Variants in ASAP2 observed in about 807,000 individuals in gnomAD.
ASAP2 encodes arf-GAP with SH3 domain, ANK repeat and PH domain-containing protein 2.
ASAP2 carries 45 observed loss-of-function variants against 131.4 expected under a neutral mutation model. The observed-to-expected ratio is 0.34, with a 90% confidence interval of 0.27 to 0.44. The LOEUF is 0.44. ASAP2 is among the 20% of genes least tolerant of loss of function. The pLI is 1.00. For missense variants in ASAP2, 1,011 were observed against 1,297.0 expected (o/e 0.78, Z 3.39); for synonymous variants, 510 against 503.0 (o/e 1.01, Z -0.19).
intron 16 of ASAP2, among the ~76,000 whole-genome samples, chr2:9,370,005 AT>A (rs777595461): frequency 8.5e-5 from 13 of 152,128 alleles, no homozygotes. Context: ...CACCCAGCTA[AT>A]TTTTTGTATC....
chr2:9,254,530 T>A (rs1262118835), intron 1 of ASAP2, among the ~76,000 whole-genome samples: 7 of 81,958 alleles, frequency 8.5e-5, no homozygotes, highest in African/African-American at 1.4e-4. Context: ...TTTTTGGATT[T>A]TTTTTTTTTT....
At chr2:9,396,401 A>G (rs1291810549) in intron 24 of ASAP2, among the ~76,000 whole-genome samples, 1 of 151,882 alleles carries the variant, frequency 6.6e-6, no homozygotes, top group Non-Finnish European at 1.5e-5. Flanking sequence ...CAGCCTCCGC[A>G]TAGCTGGGAC....
chr2:9,301,819 TC>T lies in ASAP2; in HGVS notation c.345+4375del, dbSNP rs370419649. Among the ~76,000 whole-genome samples, 933 of 132,630 alleles carry T rather than the reference TC, an allele frequency of 7.0e-3. 14 individuals are homozygous for T. The highest frequency in any genetic ancestry group is 0.026 in the African/African-American group (900 of 34,952). 87.0% of individuals were successfully genotyped at this position (132,630 alleles called of 152,430 possible). On this transcript the variant is annotated intron_variant, in intron 3 of 27. Coordinates refer to ENST00000281419, the MANE Select transcript of ASAP2 (RefSeq NM_003887.3). ...TACCAAGCAACGTGTGTATCCATCA[TC>T]TTTTTTTTTTTTTTTTTTTTTGAGA...
At chr2:9,346,662 T>C (rs972247496) in intron 11 of ASAP2, among the ~76,000 whole-genome samples, 5 of 152,214 alleles carry the variant, frequency 3.3e-5, no homozygotes, top group East Asian at 1.9e-4. Context: ...TCCGATTGAC[T>C]GCCTCAGTGC....
intron 1 of ASAP2, among the ~76,000 whole-genome samples, chr2:9,216,453 ATTTTTTTTTTTT>A (rs999787414): frequency 4.7e-5 from 4 of 85,420 alleles, no homozygotes; most frequent in African/African-American, 4.8e-5. Flanking sequence ...TGCCTGTTTA[ATTTTTTTTTTTT>A]TTTTTTTTTT....
Position 9,297,412 on chromosome 2 carries a change from T to C in ASAP2, c.312T>C (p.Phe104=), listed in dbSNP as rs1278753185. ...LGSAFLKFSV[F]TKELTALFKN... is the part of the protein sequence containing the mutation. Reference sequence around the variant, plus strand: ...GTGCGTTCCTGAAGTTCTCAGTGTTTACAAAGGAGTTGACAGCACTTTTCA... The same window carrying C: ...GTGCGTTCCTGAAGTTCTCAGTGTTCACAAAGGAGTTGACAGCACTTTTCA... The change falls in exon 3 of 28, where the codon TTT becomes TTC. Residue 104 remains phenylalanine (F), a synonymous_variant. Coordinates refer to ENST00000281419, the MANE Select transcript of ASAP2 (RefSeq NM_003887.3). 6.2e-7 allele frequency: 1 copy of C among 1,614,204 alleles called. No individual in the cohort carries two copies. The highest frequency in any genetic ancestry group is 8.5e-7 in the Non-Finnish European group (1 of 1,180,034).
chr2:9,301,310 G>T (rs1184922732), intron 3 of ASAP2, among the ~76,000 whole-genome samples: 2 of 152,188 alleles, frequency 1.3e-5, no homozygotes, highest in African/African-American at 2.4e-5. Context: ...TATAAAGCAA[G>T]ATTTTCTTAC....
chr2:9,376,066 C>T (rs1420783293), intron 17 of ASAP2, among the ~76,000 whole-genome samples: 1 of 152,240 alleles, frequency 6.6e-6, no homozygotes, highest in African/African-American at 2.4e-5. Context: ...CAGGACTGGG[C>T]TGGCTGCCTA....
At chr2:9,259,085 C>T (rs981363234) in intron 1 of ASAP2, among the ~76,000 whole-genome samples, 6 of 152,366 alleles carry the variant, frequency 3.9e-5, no homozygotes, top group South Asian at 2.1e-4. Flanking sequence ...TGGTCCAGCC[C>T]GTGGGACGGA....
intron 2 of ASAP2, among the ~76,000 whole-genome samples, chr2:9,294,083 C>T (rs937432167): frequency 6.6e-6 from 1 of 151,486 alleles, no homozygotes; most frequent in Non-Finnish European, 1.5e-5. Flanking sequence ...ACTGCAACCT[C>T]CGCTTTCTAG....
At chr2:9,260,566 C>T (rs920860840) in intron 1 of ASAP2, among the ~76,000 whole-genome samples, 1 of 152,160 alleles carries the variant, frequency 6.6e-6, no homozygotes, top group African/African-American at 2.4e-5. Context: ...TTTGCATCGT[C>T]ACACTCCTTT....
At chr2:9,326,120 C>A (rs1670459863) in intron 6 of ASAP2, among the ~76,000 whole-genome samples, 1 of 152,296 alleles carries the variant, frequency 6.6e-6, no homozygotes, top group East Asian at 1.9e-4. Context: ...GTGGCTCACA[C>A]CTGCAATCCC....
In ASAP2 at chr2:9,327,842, A is replaced by G; in HGVS notation, c.617A>G (p.Asn206Ser). Residue 206 changes from asparagine (N) to serine (S), a missense_variant, in exon 7 of 28, where the codon AAC (asparagine) becomes AGC (serine). Transcript: ENST00000281419. ...GTTCAACAGTATCTGCTGAAGGTCA[A>G]CGAAATCAAGATTAAAAAGGGAGTA... ...LQMCEYLLKV[N>S]EIKIKKGVDL... The G allele has an allele frequency of 6.3e-7, 1 of 1,593,914 alleles. No homozygotes were observed. The highest frequency in any genetic ancestry group is 8.5e-7 in the Non-Finnish European group (1 of 1,173,368).
At chr2:9,338,482 G>A (rs529638562) in intron 9 of ASAP2, among the ~76,000 whole-genome samples, 185 of 152,254 alleles carry the variant, frequency 1.2e-3, no homozygotes, top group African/African-American at 3.9e-3. Flanking sequence ...CTGGGTTCGC[G>A]TATCTTACAT....
intron 1 of ASAP2, among the ~76,000 whole-genome samples, chr2:9,262,905 TCTC>T (rs1339694034): frequency 2.0e-5 from 3 of 152,224 alleles, no homozygotes; most frequent in Non-Finnish European, 4.4e-5. Context: ...CTATCTTACA[TCTC>T]CTCTCCCCTG....
At chr2:9,386,619 C>T (rs1675281240) in intron 21 of ASAP2, among the ~76,000 whole-genome samples, 1 of 152,210 alleles carries the variant, frequency 6.6e-6, no homozygotes, top group Admixed American at 6.5e-5. Context: ...CCACTGGGTG[C>T]TTAGTTCTGC....
chr2:9,251,333 G>A (rs1162243653), intron 1 of ASAP2, among the ~76,000 whole-genome samples: 1 of 152,104 alleles, frequency 6.6e-6, no homozygotes, highest in Non-Finnish European at 1.5e-5. Flanking sequence ...CATCTTCTGG[G>A]CTCCATCTGC....
At chr2:9,213,616 G>C (rs1456636964) in intron 1 of ASAP2, among the ~76,000 whole-genome samples, 1 of 152,048 alleles carries the variant, frequency 6.6e-6, no homozygotes, top group Non-Finnish European at 1.5e-5. Flanking sequence ...GGAGGTAGCA[G>C]GGGGGGTGGT....
chr2:9,401,251 C>G (rs576144458), intron 26 of ASAP2, 23 bp from the exon 27 acceptor site: 34 of 1,612,902 alleles, frequency 2.1e-5, no homozygotes, highest in African/African-American at 1.7e-4. Context: ...CCACACTAAC[C>G]GTTGTTCCCT....
Sources: allele counts gnomAD v4.1 joint callset (sites outside exome capture counted in the v4.1 genomes callset), GRCh38; gene constraint gnomAD v4.1.1; transcripts MANE v1.5; gene names NCBI Gene and HGNC (gene_info 2026-07-23, HGNC 2026-07-21).